CEP135: variants seen among roughly 807,000 people sequenced by gnomAD.
The protein encoded by CEP135 is centrosomal protein 135, also known as centrosomal protein of 135 kDa.
CEP135 carries 142 observed loss-of-function variants against 157.3 expected under a neutral mutation model. That is an observed-to-expected ratio of 0.90 (90% CI 0.79 to 1.04). The LOEUF is 1.04. Among genes scored for constraint, CEP135 ranks in the 50% least tolerant of loss-of-function variants. The pLI is 0.00. For synonymous variants in CEP135, 396 were observed against 439.8 expected (o/e 0.90, Z 1.25); for missense variants, 1,317 against 1,309.2 (o/e 1.01, Z -0.09).
At chr4:55,995,619 T>C (rs1729945021) in intron 15 of CEP135, among the ~76,000 whole-genome samples, 1 of 152,246 alleles carries the variant, frequency 6.6e-6, no homozygotes, top group Non-Finnish European at 1.5e-5. Flanking sequence ...AATTTTCATA[T>C]GTCACTAAAT....
In CEP135 at chr4:56,024,551, T is replaced by A. The variant is rs1378162639; in HGVS notation, c.3371T>A (p.Leu1124His). The change falls in exon 25 of 26, where the codon CTT becomes CAT. Residue 1124 changes from leucine (L) to histidine (H), a missense_variant. Leu to His is a moderately conservative substitution (Grantham distance 99, BLOSUM62 -3). Coordinates refer to ENST00000257287, the MANE Select transcript of CEP135 (RefSeq NM_025009.5). ...MRRHGLATPP[L>H]SSTLRSPSHS... is the part of the protein sequence containing the mutation. ...CGACATGGTCTTGCTACACCACCCC[T>A]TAGTTCCACTCTGAGGTCTCCTTCA... The A allele has an allele frequency of 6.2e-7, 1 of 1,613,946 alleles. No homozygotes were observed. The highest frequency in any genetic ancestry group is 1.7e-5 in the Admixed American group (1 of 59,994).
chr4:55,987,244 C>CT (rs377212697), intron 14 of CEP135, among the ~76,000 whole-genome samples: 5 of 152,174 alleles, frequency 3.3e-5, no homozygotes, highest in African/African-American at 1.2e-4. Flanking sequence ...TGCATGAGCT[C>CT]TGAGTATTGT....
intron 17 of CEP135, among the ~76,000 whole-genome samples, chr4:56,007,651 T>C (rs1057324780): frequency 6.6e-6 from 1 of 152,158 alleles, no homozygotes; most frequent in African/African-American, 2.4e-5. Context: ...TTACCCAAGA[T>C]AGTAGAAAAG....
chr4:56,011,350 A>ATC (rs1292995722), intron 19 of CEP135, 62 bp from the exon 20 acceptor site: 1 of 1,086,098 alleles, frequency 9.2e-7, no homozygotes, highest in African/African-American at 1.6e-5. Flanking sequence ...TTATTTGAAT[A>ATC]TAAATAAAAT....
chr4:55,996,075 T>C (rs1729960159), intron 15 of CEP135, among the ~76,000 whole-genome samples: 2 of 152,342 alleles, frequency 1.3e-5, no homozygotes, highest in South Asian at 4.1e-4. Context: ...CAAATGTAAC[T>C]AGTCTCCCAT....
chr4:56,029,771 C>T (rs1731278909), intron 25 of CEP135, among the ~76,000 whole-genome samples: 1 of 152,052 alleles, frequency 6.6e-6, no homozygotes, highest in Non-Finnish European at 1.5e-5. Context: ...AGAAAACATA[C>T]AGTAAAAATG....
rs1233719210 is a variant in CEP135 at position 55,949,065 on chromosome 4, TC to T, written c.-46+8del. 1.3e-5 allele frequency: 2 copies of T among 153,452 alleles called. No homozygotes were observed. Among genetic ancestry groups the T allele is most frequent in the Non-Finnish European group, 2.9e-5 (2 of 69,172 alleles). The allele number at this position is 153,452 out of a possible 1,614,324, so 9.5% of individuals were successfully genotyped here. On this transcript the variant is annotated splice_region_variant and intron_variant, in intron 1 of 25. Coordinates refer to ENST00000257287, the MANE Select transcript of CEP135 (RefSeq NM_025009.5). ...AACGGCGGCTGGAGCTGCCGGTGAGTCCGGATGTGGGAGCCAGAGGGCCAGC... is the reference window on the plus strand; with the variant it reads ...AACGGCGGCTGGAGCTGCCGGTGAGTCGGATGTGGGAGCCAGAGGGCCAGC...
rs763632922 is a variant in CEP135, at chr4:55,957,315, C to T, written c.565C>T (p.Gln189Ter). 1.2e-5 allele frequency: 20 copies of T among 1,614,108 alleles called. No individual in the cohort carries two copies. Among genetic ancestry groups the T allele is most frequent in the Non-Finnish European group, 1.7e-5 (20 of 1,179,988 alleles). The change falls in exon 5 of 26, where the codon CAA becomes TAA. Residue 189 changes from glutamine (Q) to a stop codon, truncating the protein, a stop_gained. Transcript: ENST00000257287. LOFTEE classifies it high-confidence loss of function. ...PSEVSSYPVP[Q>*]PDDPYIADLL... Reference sequence around the variant, plus strand: ...TGAAGTCAGTTCATATCCAGTTCCTCAACCAGATGACCCTTACATTGCAGA... The same window carrying T: ...TGAAGTCAGTTCATATCCAGTTCCTTAACCAGATGACCCTTACATTGCAGA...
At chr4:56,015,200 C>T (rs1289387771) in intron 21 of CEP135, among the ~76,000 whole-genome samples, 1 of 152,176 alleles carries the variant, frequency 6.6e-6, no homozygotes, top group African/African-American at 2.4e-5. Flanking sequence ...GAATCACTTC[C>T]AGCTTTGACT....
chr4:55,961,287 C>T (rs1252594994), intron 6 of CEP135, among the ~76,000 whole-genome samples: 1 of 151,920 alleles, frequency 6.6e-6, no homozygotes, highest in Non-Finnish European at 1.5e-5. Flanking sequence ...TGTGAGGTGG[C>T]TGAGGTGTTT....
rs138085315 is a variant in CEP135, at chr4:56,025,595, C to T, written c.*11+981C>T. Among the ~76,000 whole-genome samples, 792 of 152,106 alleles carry T rather than the reference C, an allele frequency of 5.2e-3. 9 individuals carry two copies. The highest frequency in any genetic ancestry group is 0.018 in the African/African-American group (750 of 41,504). On this transcript the variant is annotated intron_variant, in intron 25 of 25. Transcript: ENST00000257287. ...TTCTGTAAGTCAAAAGGAACGTGAA[C>T]GTCAGTCCTCCTGTGTATAGGATGG...
chr4:55,965,451 A>G (rs568059476), intron 7 of CEP135, 193 bp from the exon 8 acceptor site: 7 of 461,978 alleles, frequency 1.5e-5, no homozygotes, highest in South Asian at 5.6e-5. Flanking sequence ...ATCAAAGTCA[A>G]TGGATATGTA....
In CEP135 at chr4:56,031,957, A is replaced by G. The variant is rs927930493; in HGVS notation, c.*609A>G. The stretch of plus-strand genomic sequence containing the variant: ...CGTGTTATTGCCATCTAGAAGAACT[A>G]TGATGAGAAAGATACATTTATATAT... On this transcript the variant is annotated 3_prime_UTR_variant, in exon 26 of 26. Coordinates refer to ENST00000257287, the MANE Select transcript of CEP135 (RefSeq NM_025009.5). 4.6e-5 allele frequency: 7 copies of G among 152,230 alleles called. No homozygotes were observed. Among genetic ancestry groups the G allele is most frequent in the Non-Finnish European group, 7.3e-5 (5 of 68,052 alleles). The allele number at this position is 152,230 out of a possible 1,614,324, so 9.4% of individuals were successfully genotyped here. A position where few individuals can be genotyped will look rare whatever the true frequency, so the allele number is the denominator to read the frequency against.
At chr4:55,957,113 G>A (rs1728532253) in intron 4 of CEP135, 110 bp from the exon 5 acceptor site, 2 of 1,077,590 alleles carry the variant, frequency 1.9e-6, no homozygotes, top group Admixed American at 2.3e-5. Context: ...TTGTCAATAT[G>A]TATTATGAAC....
At chr4:56,009,166 TG>T (rs1443685768) in intron 18 of CEP135, among the ~76,000 whole-genome samples, 2 of 151,798 alleles carry the variant, frequency 1.3e-5, no homozygotes, top group Non-Finnish European at 1.5e-5. Context: ...TTGTTGTTGT[TG>T]TTTTTTGTTG....
chr4:56,019,257 G>A, intron 22 of CEP135, 96 bp from the exon 23 acceptor site: 1 of 902,734 alleles, frequency 1.1e-6, no homozygotes. Flanking sequence ...CAAGTGATAG[G>A]TGAATAGTTC....
chr4:55,970,164 G>T (rs1728983747), intron 9 of CEP135, among the ~76,000 whole-genome samples: 1 of 151,880 alleles, frequency 6.6e-6, no homozygotes, highest in South Asian at 2.1e-4. Flanking sequence ...GAGCCACTGT[G>T]CCCAGCCCAG....
intron 25 of CEP135, among the ~76,000 whole-genome samples, chr4:56,026,045 C>T (rs191901157): frequency 6.6e-6 from 1 of 152,096 alleles, no homozygotes; most frequent in African/African-American, 2.4e-5. Flanking sequence ...CCCGTCTCTA[C>T]TAAAAACAGA....
chr4:55,999,688 C>T (rs1360999339), intron 17 of CEP135, 43 bp downstream of exon 17: 1 of 1,561,292 alleles, frequency 6.4e-7, no homozygotes, highest in Admixed American at 2.1e-5. Flanking sequence ...CCAAACAGAA[C>T]AGTTTTTTTT....
Sources: gnomAD v4.1 joint callset for allele counts (sites outside exome capture counted in the v4.1 genomes callset) on GRCh38, gnomAD v4.1.1 for gene constraint, MANE v1.5 for transcripts, NCBI Gene and HGNC (gene_info 2026-07-23, HGNC 2026-07-21) for gene names.